ENTPD1: variants seen among roughly 807,000 people sequenced by gnomAD.
The protein encoded by ENTPD1 is ectonucleoside triphosphate diphosphohydrolase 1.
A neutral mutation model predicts 57.0 loss-of-function variants in ENTPD1; 33 were observed. The observed-to-expected ratio is 0.58, with a 90% CI of 0.44 to 0.77. The LOEUF is 0.77. Among genes scored for constraint, ENTPD1 ranks in the 30% least tolerant of loss-of-function variants. ENTPD1 has a pLI of 0.00. For missense variants in ENTPD1, 501 were observed against 603.4 expected, an observed-to-expected ratio of 0.83 and a Z score of 1.78; for synonymous variants, 202 against 218.8, an observed-to-expected ratio of 0.92 and a Z score of 0.68.
At chr10:95,826,442 G>A (rs946068162) in intron 2 of ENTPD1, among the ~76,000 whole-genome samples, 1 of 151,870 alleles carries the variant, frequency 6.6e-6, no homozygotes, top group Non-Finnish European at 1.5e-5. Flanking sequence ...GTATGGTGGC[G>A]CGTACTTGTA....
intron 1 of ENTPD1, among the ~76,000 whole-genome samples, chr10:95,719,835 C>T (rs537052738): frequency 2.0e-5 from 3 of 152,298 alleles, no homozygotes; most frequent in Non-Finnish European, 4.4e-5. Flanking sequence ...TGAGTTGAGA[C>T]ATTGGGTTCG....
intron 1 of ENTPD1, among the ~76,000 whole-genome samples, chr10:95,806,902 G>A (rs916639363): frequency 5.3e-5 from 8 of 152,122 alleles, no homozygotes; most frequent in South Asian, 2.1e-4. Context: ...AAGGGGACCC[G>A]CCTATATGAG....
rs2098438266 is a variant in ENTPD1, at chr10:95,847,772, A to G, written c.1074+66A>G. 1.9e-6 allele frequency: 3 copies of G among 1,607,880 alleles called. No homozygotes were observed. In the African/African-American group the frequency reaches 4.0e-5, roughly 21 times the overall value. On this transcript the variant is annotated intron_variant, in intron 7 of 9. Transcript: ENST00000371205. ...CAAGTTATAGAATATGTGCCTACAA[A>G]AGATTTAAATAATAGGATGCATTTT...
intron 5 of ENTPD1, 93 bp downstream of exon 5, chr10:95,844,728 G>A (rs968973960): frequency 7.0e-7 from 1 of 1,431,502 alleles, no homozygotes; most frequent in African/African-American, 1.4e-5. Context: ...CAGAATGAAT[G>A]AATGAATGAT....
rs2098479458 is a variant in ENTPD1, at chr10:95,870,735, G to A, written c.*4352G>A. The A allele has an allele frequency of 2.0e-6, 2 of 985,322 alleles. No individual in the cohort carries two copies. Among genetic ancestry groups the A allele is most frequent in the Admixed American group, 1.2e-4 (2 of 16,264 alleles). The allele number at this position is 985,322 out of a possible 1,614,324, so 61.0% of individuals were successfully genotyped here. ...TGATTCAAATACCAATAGTTGCTCT[G>A]ATTCAAATTCCAACTGTTAGAACAT... On this transcript the variant is annotated 3_prime_UTR_variant, in exon 10 of 10. Coordinates refer to ENST00000371205, the MANE Select transcript of ENTPD1 (RefSeq NM_001776.6).
Position 95,847,592 on chromosome 10 carries a change from A to G in ENTPD1, c.960A>G (p.Gly320=), listed in dbSNP as rs184166553. The change falls in exon 7 of 10, where the codon GGA becomes GGG. Residue 320 remains glycine, a synonymous_variant. Transcript: ENST00000371205. ...PFQQFEIQGI[G]NYQQCHQSIL... is the part of the protein sequence containing the mutation. ...AGCAGTTTGAAATCCAGGGTATTGG[A>G]AACTATCAACAATGCCATCAAAGCA... 3.1e-6 allele frequency: 5 copies of G among 1,614,202 alleles called. No individual in the cohort carries two copies. The highest frequency in any genetic ancestry group is 4.2e-6 in the Non-Finnish European group (5 of 1,180,032).
At position 95,866,898 on chromosome 10, in the gene ENTPD1, A is replaced by C. The variant is rs1186871829; in HGVS notation, c.*515A>C. 1 of 1,019,726 alleles carries C rather than the reference A, an allele frequency of 9.8e-7. No individual in the cohort carries two copies. Among genetic ancestry groups the C allele is most frequent in the Non-Finnish European group, 1.2e-6 (1 of 849,948 alleles). 63.2% of individuals were successfully genotyped at this position (1,019,726 alleles called of 1,614,324 possible). A position where few individuals can be genotyped will look rare whatever the true frequency, so the allele number is the denominator to read the frequency against. On this transcript the variant is annotated 3_prime_UTR_variant, in exon 10 of 10. Coordinates refer to ENST00000371205, the MANE Select transcript of ENTPD1 (RefSeq NM_001776.6). ...TCCCAGCCTGCTCTGTGGGTAGGAG[A>C]ATTTTCTACAGTAGGCAAATATGTG...
intron 1 of ENTPD1, among the ~76,000 whole-genome samples, chr10:95,719,423 T>C (rs1334639250): frequency 6.6e-6 from 1 of 152,178 alleles, no homozygotes; most frequent in Non-Finnish European, 1.5e-5. Flanking sequence ...AGCCTGGCTA[T>C]TTTGCCGTAC....
At chr10:95,816,250 C>T (rs891280181) in intron 1 of ENTPD1, among the ~76,000 whole-genome samples, 7 of 152,172 alleles carry the variant, frequency 4.6e-5, no homozygotes, top group African/African-American at 1.7e-4. Context: ...CAAACCATCA[C>T]CTGATATTTC....
chr10:95,799,134 A>C (rs2098238215), intron 1 of ENTPD1, among the ~76,000 whole-genome samples: 1 of 151,716 alleles, frequency 6.6e-6, no homozygotes, highest in African/African-American at 2.4e-5. Flanking sequence ...AGGGATTAAC[A>C]ATATCAGCTC....
intron 1 of ENTPD1, among the ~76,000 whole-genome samples, chr10:95,746,693 C>T (rs2098006453): frequency 6.6e-6 from 1 of 152,202 alleles, no homozygotes; most frequent in South Asian, 2.1e-4. Context: ...GGAACACTTT[C>T]AGATCCATCC....
At chr10:95,801,112 A>G (rs1375804418) in intron 1 of ENTPD1, among the ~76,000 whole-genome samples, 1 of 152,188 alleles carries the variant, frequency 6.6e-6, no homozygotes, top group African/African-American at 2.4e-5. Context: ...AAATCTTCAC[A>G]ATTTATTTTC....
At chr10:95,829,846 G>C (rs1253741269) in intron 2 of ENTPD1, among the ~76,000 whole-genome samples, 1 of 152,126 alleles carries the variant, frequency 6.6e-6, no homozygotes, top group Middle Eastern at 3.2e-3. Context: ...GGTGGGTCAT[G>C]AGGGCTCTGA....
At chr10:95,701,608 A>T in the ENTPD1 span, among the ~76,000 whole-genome samples, 1 of 151,934 alleles carries the variant, frequency 6.6e-6, no homozygotes, top group East Asian at 1.9e-4. Flanking sequence ...TAGAACTTGA[A>T]CCTAATAAGC....
chr10:95,864,650 G>A, intron 8 of ENTPD1, 74 bp from the exon 9 acceptor site: 1 of 1,591,888 alleles, frequency 6.3e-7, no homozygotes, highest in Non-Finnish European at 8.6e-7. Flanking sequence ...CTTCATCAGG[G>A]CTAGTAGAGA....
At chr10:95,700,502 C>T in the ENTPD1 span, among the ~76,000 whole-genome samples, 36 of 152,136 alleles carry the variant, frequency 2.4e-4, no homozygotes, top group Admixed American at 7.2e-4. Flanking sequence ...ACCTGGGCAA[C>T]ATAGTGAGAC....
chr10:95,765,593 G>A (rs1040253816), intron 1 of ENTPD1, among the ~76,000 whole-genome samples: 12 of 152,062 alleles, frequency 7.9e-5, no homozygotes, highest in African/African-American at 2.9e-4. Context: ...CTACAGCTTG[G>A]TAGTAAGTTT....
chr10:95,784,502 A>G, intron 1 of ENTPD1, among the ~76,000 whole-genome samples: 1 of 152,134 alleles, frequency 6.6e-6, no homozygotes, highest in South Asian at 2.1e-4. Flanking sequence ...AGGCCTGGGG[A>G]GAAAAACTCA....
intron 1 of ENTPD1, among the ~76,000 whole-genome samples, chr10:95,716,704 C>G (rs1164527494): frequency 6.6e-6 from 1 of 152,190 alleles, no homozygotes; most frequent in Non-Finnish European, 1.5e-5. Context: ...AGGCCCTTGT[C>G]GGATGTGGCT....
Sources: allele counts gnomAD v4.1 joint callset (sites outside exome capture counted in the v4.1 genomes callset), GRCh38; gene constraint gnomAD v4.1.1; transcripts MANE v1.5; gene names NCBI Gene and HGNC (gene_info 2026-07-23, HGNC 2026-07-21).